RIPK4: variants seen among roughly 807,000 people sequenced by gnomAD.
RIPK4 encodes receptor interacting serine/threonine kinase 4.
RIPK4 carries 17 observed loss-of-function variants against 42.9 expected under a neutral mutation model. The ratio of observed to expected loss-of-function variants is 0.40; its 90% CI spans 0.27 to 0.59. RIPK4 has a LOEUF of 0.59. Ranked by LOEUF, RIPK4 falls within the 20% of genes least tolerant of loss-of-function variation. The pLI is 0.47. For missense variants in RIPK4, 897 were observed against 1,104.4 expected (o/e 0.81, Z 2.66); for synonymous variants, 498 against 499.1 (o/e 1.00, Z 0.03).
intron 3 of RIPK4, among the ~76,000 whole-genome samples, chr21:41,749,965 G>A (rs1011269701): frequency 1.3e-5 from 2 of 151,430 alleles, no homozygotes; most frequent in African/African-American, 4.9e-5. Flanking sequence ...GAGTTGGTGA[G>A]GGCTGTTTAT....
Position 41,751,211 on chromosome 21 carries a change from A to ATG in RIPK4, c.508_509insCA (p.Leu170ProfsTer66). 6.2e-7 allele frequency: 1 copy of ATG among 1,614,258 alleles called. No homozygotes were observed. The highest frequency in any genetic ancestry group is 8.5e-7 in the Non-Finnish European group (1 of 1,180,042). The stretch of plus-strand genomic sequence containing the variant: ...CATGCTGAGGTCATGCGAGTGGGAC[A>ATG]GCCCGTTGCACTTGGCCAGACCAAA... On this transcript the variant is annotated frameshift_variant, in exon 3 of 8. Transcript: ENST00000332512. LOFTEE classifies it high-confidence loss of function. This position sits in a 1 kb window ranked among gnomAD's most constrained non-coding sequence, Gnocchi z 4.5.
rs143213992 is a variant in RIPK4, at chr21:41,763,115, C to T, written c.182+3745G>A. ...GGAACGGGAAAAGCCCCCCCTCCCC[C>T]GCAAAAGTGTCCTGGGTCCTGTTTT... On this transcript the variant is annotated intron_variant, in intron 1 of 7. Transcript: ENST00000332512. Among the ~76,000 whole-genome samples, 564 of 152,236 alleles carry T rather than the reference C, an allele frequency of 3.7e-3. 5 individuals are homozygous for T. The highest frequency in any genetic ancestry group is 0.013 in the African/African-American group (539 of 41,548).
chr21:41,756,552 G>T lies in RIPK4; in HGVS notation c.447C>A (p.Ile149=). 1 of 1,613,530 alleles carries T rather than the reference G, an allele frequency of 6.2e-7. No homozygotes were observed. The highest frequency in any genetic ancestry group is 8.5e-7 in the Non-Finnish European group (1 of 1,179,694). ...LLHLDLKPAN[I]LLDAHYHVKI... is the part of the protein sequence containing the mutation. ...TGACGTGGTAGTGGGCATCCAGCAG[G>T]ATGTTCGCGGGCTTGAGGTCCAGGT... Residue 149 remains isoleucine (I), a synonymous_variant, in exon 2 of 8, where the codon ATC becomes ATA. Coordinates refer to ENST00000332512, the MANE Select transcript of RIPK4 (RefSeq NM_020639.3).
At position 41,766,904 on chromosome 21, in the gene RIPK4, G is replaced by C; in HGVS notation, c.138C>G (p.Thr46=). The C allele has an allele frequency of 6.2e-7, 1 of 1,610,684 alleles. No individual in the cohort carries two copies. ...TGGGCGAGCACTTGATGGCCAGCCA[G>C]GTCTTCCAGTGGACATGGCGCACCT... ...VYKVRHVHWK[T]WLAIKCSPSL... is the part of the protein sequence containing the mutation. Residue 46 remains threonine, a synonymous_variant, in exon 1 of 8, where the codon ACC becomes ACG. Transcript: ENST00000332512.
chr21:41,746,169 T>G, intron 5 of RIPK4: 2 of 648,582 alleles, frequency 3.1e-6, no homozygotes, highest in Non-Finnish European at 5.7e-6. Context: ...TTCAGCCCGT[T>G]TCCTGCCGTA....
chr21:41,745,609 C>T (rs944852697), intron 6 of RIPK4, 150 bp downstream of exon 6: 1 of 627,846 alleles, frequency 1.6e-6, no homozygotes, highest in Admixed American at 2.9e-5. Flanking sequence ...CCCCATGGGA[C>T]CTACACTTCT....
At chr21:41,763,684 C>G (rs2061227749) in intron 1 of RIPK4, among the ~76,000 whole-genome samples, 1 of 152,198 alleles carries the variant, frequency 6.6e-6, no homozygotes. Flanking sequence ...TCCCAGGGAG[C>G]CTCGGAGGGG....
intron 1 of RIPK4, among the ~76,000 whole-genome samples, chr21:41,763,306 C>T (rs918878152): frequency 2.7e-5 from 4 of 146,618 alleles, no homozygotes; most frequent in Admixed American, 6.8e-5. Context: ...GCGAGAAATA[C>T]GAGAAATATC....
At chr21:41,749,449 T>C (rs1361520134) in intron 3 of RIPK4, among the ~76,000 whole-genome samples, 1 of 152,216 alleles carries the variant, frequency 6.6e-6, no homozygotes, top group Non-Finnish European at 1.5e-5. Context: ...TTCAGGCAGC[T>C]TGAGGGACTT....
At chr21:41,749,421 G>A (rs573687825) in intron 3 of RIPK4, among the ~76,000 whole-genome samples, 31 of 152,250 alleles carry the variant, frequency 2.0e-4, no homozygotes, top group Non-Finnish European at 2.8e-4. Context: ...AAGTAACTTC[G>A]CCAACTGGGC....
chr21:41,756,416 C>A (rs2061203550), intron 2 of RIPK4, 109 bp downstream of exon 2: 1 of 1,339,742 alleles, frequency 7.5e-7, no homozygotes, highest in Non-Finnish European at 1.0e-6. Context: ...GAAGAACCAC[C>A]TCCTCTTCTG....
intron 5 of RIPK4, 112 bp downstream of exon 5, chr21:41,746,501 C>G: frequency 7.5e-7 from 1 of 1,328,426 alleles, no homozygotes. Flanking sequence ...TTCGGCCCAC[C>G]TGTTACACGC....
intron 1 of RIPK4, among the ~76,000 whole-genome samples, chr21:41,762,491 C>T (rs1389417550): frequency 6.6e-6 from 1 of 152,232 alleles, no homozygotes; most frequent in African/African-American, 2.4e-5. Flanking sequence ...TGGGAAACTC[C>T]AGCGGCTTTA....
chr21:41,756,206 G>A (rs960535181), intron 2 of RIPK4, among the ~76,000 whole-genome samples: 2 of 152,164 alleles, frequency 1.3e-5, no homozygotes, highest in Non-Finnish European at 2.9e-5. Flanking sequence ...ATTCTAACCT[G>A]ATTTCATAAG....
Position 41,740,422 on chromosome 21 carries a change from G to A in RIPK4, c.*416C>T, listed in dbSNP as rs187507566. On this transcript the variant is annotated 3_prime_UTR_variant, in exon 8 of 8. Transcript: ENST00000332512. ...GACAGGCCTCTCTGCCCACCGTCAT[G>A]TATGAAGATAAAAAACACAGTTTCC... The A allele has an allele frequency of 2.8e-3, 515 of 183,864 alleles. No individual in the cohort carries two copies. Among genetic ancestry groups the A allele is most frequent in the Non-Finnish European group, 3.9e-3 (353 of 89,924 alleles). 11.4% of individuals were successfully genotyped at this position (183,864 alleles called of 1,614,324 possible).
chr21:41,744,498 C>A (rs1016798852), intron 6 of RIPK4, among the ~76,000 whole-genome samples: 1 of 151,942 alleles, frequency 6.6e-6, no homozygotes, highest in African/African-American at 2.4e-5. Context: ...GCGCTGGCCC[C>A]ACCCAGCACG....
intron 4 of RIPK4, among the ~76,000 whole-genome samples, chr21:41,748,896 T>C (rs962362871): frequency 7.9e-5 from 12 of 152,226 alleles, no homozygotes; most frequent in Admixed American, 3.9e-4. Context: ...AATTATACAC[T>C]TTAAATGGCT....
At position 41,742,778 on chromosome 21, in the gene RIPK4, TTCTC is replaced by T. The variant is rs1412068658; in HGVS notation, c.1196-785_1196-782del. On this transcript the variant is annotated intron_variant, in intron 7 of 7. Transcript: ENST00000332512. This position sits in a 1 kb window ranked among gnomAD's most constrained non-coding sequence, Gnocchi z 5.1. ...ACTCCAAGTGGAGCCAGTGAAGTAATTCTCTCTCGAGCATGAAGACAAGATGTCA... is the reference window on the plus strand; with the variant it reads ...ACTCCAAGTGGAGCCAGTGAAGTAATTCTCGAGCATGAAGACAAGATGTCA... Among the ~76,000 whole-genome samples, 1 of 152,094 alleles carries T rather than the reference TTCTC, an allele frequency of 6.6e-6. No homozygotes were observed. Among genetic ancestry groups the T allele is most frequent in the East Asian group, 1.9e-4 (1 of 5,182 alleles).
Position 41,741,190 on chromosome 21 carries a change from G to A in RIPK4, c.2003C>T (p.Ser668Leu), listed in dbSNP as rs753405660. 1.9e-6 allele frequency: 3 copies of A among 1,611,416 alleles called. No individual in the cohort carries two copies. Among genetic ancestry groups the A allele is most frequent in the Non-Finnish European group, 2.5e-6 (3 of 1,179,240 alleles). ...CAGGTGCAGAGCGGTGTAGCCGTCT[G>A]AGGTCATGGCCTCCTTGCCAGCGCC... Reference protein sequence around the residue: ...HRGAGKEAMTSDGYTALHLAA... With the variant: ...HRGAGKEAMTLDGYTALHLAA... The change falls in exon 8 of 8, where the codon TCA becomes TTA. Residue 668 changes from serine (S) to leucine (L), a missense_variant. Transcript: ENST00000332512.
Sources: gnomAD v4.1 joint callset for allele counts (sites outside exome capture counted in the v4.1 genomes callset) on GRCh38, gnomAD v4.1.1 for gene constraint, Gnocchi (gnomAD v3.1) non-coding constraint, MANE v1.5 for transcripts, NCBI Gene and HGNC (gene_info 2026-07-23, HGNC 2026-07-21) for gene names.